The following RNGTT variants were observed in gnomAD, a reference collection of about 807,000 sequenced individuals.
RNGTT encodes mRNA-capping enzyme.
A neutral mutation model predicts 79.3 loss-of-function variants in RNGTT; 33 were observed. The ratio of observed to expected loss-of-function variants is 0.42; its 90% CI spans 0.32 to 0.56. RNGTT has a LOEUF of 0.56. Among genes scored for constraint, RNGTT ranks in the 20% least tolerant of loss-of-function variants. The pLI is 0.17. For missense variants in RNGTT, 497 were observed against 739.1 expected, an observed-to-expected ratio of 0.67 and a Z score of 3.80; for synonymous variants, 222 against 235.9, an observed-to-expected ratio of 0.94 and a Z score of 0.54.
intron 11 of RNGTT, among the ~76,000 whole-genome samples, chr6:88,837,627 G>C (rs908953706): frequency 6.6e-6 from 1 of 151,630 alleles, no homozygotes; most frequent in African/African-American, 2.4e-5. Context: ...AGACAAAGTA[G>C]GGCTTATCCC....
At chr6:88,682,275 C>T (rs1208085690) in intron 13 of RNGTT, among the ~76,000 whole-genome samples, 1 of 152,096 alleles carries the variant, frequency 6.6e-6, no homozygotes, top group Non-Finnish European at 1.5e-5. Flanking sequence ...CTATAGTACC[C>T]GTTATCAGAT....
intron 13 of RNGTT, among the ~76,000 whole-genome samples, chr6:88,691,607 A>G (rs1478605650): frequency 6.6e-6 from 1 of 152,210 alleles, no homozygotes; most frequent in Non-Finnish European, 1.5e-5. Flanking sequence ...TGTGATTGAA[A>G]AAAGGCATGT....
intron 13 of RNGTT, among the ~76,000 whole-genome samples, chr6:88,683,847 T>C (rs1003139463): frequency 6.6e-6 from 1 of 151,986 alleles, no homozygotes; most frequent in Non-Finnish European, 1.5e-5. Flanking sequence ...AGACTTCGTC[T>C]CTACAAAAAG....
intron 12 of RNGTT, among the ~76,000 whole-genome samples, chr6:88,791,730 A>G (rs7751064): frequency 0.016 from 2,461 of 151,862 alleles, 57 homozygotes; most frequent in African/African-American, 0.05. Flanking sequence ...TAGTAGAGAC[A>G]GGGTTTCACC....
chr6:88,642,065 T>A (rs1236421022), intron 14 of RNGTT, among the ~76,000 whole-genome samples: 1 of 152,110 alleles, frequency 6.6e-6, no homozygotes, highest in East Asian at 1.9e-4. Flanking sequence ...AGGAATGTAA[T>A]GTCAGTGAAT....
At chr6:88,948,537 G>A (rs1363310797) in intron 1 of RNGTT, among the ~76,000 whole-genome samples, 1 of 148,748 alleles carries the variant, frequency 6.7e-6, no homozygotes, top group Non-Finnish European at 1.5e-5. Flanking sequence ...GGAGGTGAGG[G>A]GCGCCTCTGC....
chr6:88,853,926 T>TC, intron 8 of RNGTT, among the ~76,000 whole-genome samples, 162 bp from the exon 9 acceptor site: 1 of 151,900 alleles, frequency 6.6e-6, no homozygotes, highest in East Asian at 1.9e-4. Context: ...TAATAATTTT[T>TC]TTTTTTTTTT....
At chr6:88,905,253 C>T (rs1783614996) in intron 5 of RNGTT, among the ~76,000 whole-genome samples, 1 of 152,200 alleles carries the variant, frequency 6.6e-6, no homozygotes, top group Non-Finnish European at 1.5e-5. Context: ...TGAGGTCTGA[C>T]TCTGCAGCAA....
chr6:88,852,578 C>G (rs1444531326), intron 9 of RNGTT, among the ~76,000 whole-genome samples: 2 of 151,774 alleles, frequency 1.3e-5, no homozygotes, highest in African/African-American at 4.8e-5. Flanking sequence ...ATATATATAT[C>G]ATTTTTATTA....
intron 8 of RNGTT, among the ~76,000 whole-genome samples, chr6:88,871,838 G>GT (rs1281953974): frequency 6.6e-6 from 1 of 152,090 alleles, no homozygotes. Flanking sequence ...AAGACTGAGA[G>GT]TAAAACTATC....
At chr6:88,948,487 T>G (rs1313135800) in intron 1 of RNGTT, among the ~76,000 whole-genome samples, 4 of 87,272 alleles carry the variant, frequency 4.6e-5, no homozygotes, top group Non-Finnish European at 9.4e-5. Flanking sequence ...GGGAGGGAGG[T>G]GGGGGGGTCA....
intron 4 of RNGTT, among the ~76,000 whole-genome samples, chr6:88,921,159 A>T (rs1784152476): frequency 6.6e-6 from 1 of 152,156 alleles, no homozygotes; most frequent in Non-Finnish European, 1.5e-5. Flanking sequence ...GTTTCAGAGA[A>T]GGAATTTTTA....
chr6:88,882,698 A>G (rs1782727928), intron 8 of RNGTT, among the ~76,000 whole-genome samples: 1 of 152,222 alleles, frequency 6.6e-6, no homozygotes, highest in South Asian at 2.1e-4. Flanking sequence ...CTCTGCCCTC[A>G]TGCATGGGAT....
intron 10 of RNGTT, among the ~76,000 whole-genome samples, 198 bp downstream of exon 10, chr6:88,849,557 A>G (rs1562284427): frequency 1.3e-5 from 2 of 151,956 alleles, no homozygotes; most frequent in African/African-American, 4.8e-5. Context: ...AAAGAAACCT[A>G]AAACAAAGAA....
At chr6:88,620,697 C>A (rs1772411149) in intron 14 of RNGTT, among the ~76,000 whole-genome samples, 1 of 152,142 alleles carries the variant, frequency 6.6e-6, no homozygotes, top group Non-Finnish European at 1.5e-5. Context: ...AGCTTGCAAA[C>A]TGCAATGAGG....
chr6:88,855,704 C>A (rs565317897), intron 8 of RNGTT, among the ~76,000 whole-genome samples: 19 of 152,206 alleles, frequency 1.2e-4, no homozygotes, highest in African/African-American at 4.1e-4. Flanking sequence ...AAAATAAATT[C>A]AGCCTCAGTC....
At chr6:88,755,190 G>A (rs900809580) in intron 13 of RNGTT, among the ~76,000 whole-genome samples, 1 of 151,952 alleles carries the variant, frequency 6.6e-6, no homozygotes, top group Non-Finnish European at 1.5e-5. Context: ...TAGCAGTTAG[G>A]CAAAAAATTC....
chr6:88,619,684 C>T (rs992621276), intron 14 of RNGTT, among the ~76,000 whole-genome samples: 5 of 152,062 alleles, frequency 3.3e-5, no homozygotes, highest in African/African-American at 4.8e-5. Flanking sequence ...CCATTTTTTT[C>T]TTTTCTGAAG....
chr6:88,950,789 G>T (rs1785216740), intron 1 of RNGTT, among the ~76,000 whole-genome samples: 1 of 152,036 alleles, frequency 6.6e-6, no homozygotes, highest in Non-Finnish European at 1.5e-5. Flanking sequence ...CCATGATCAT[G>T]CCATTGCATT....
Sources: gnomAD v4.1 joint callset for allele counts (sites outside exome capture counted in the v4.1 genomes callset) on GRCh38, gnomAD v4.1.1 for gene constraint, MANE v1.5 for transcripts, NCBI Gene and HGNC (gene_info 2026-07-23, HGNC 2026-07-21) for gene names.